The following DACH2 variants were observed in gnomAD, a reference collection of about 807,000 sequenced individuals.
DACH2 encodes the protein dachshund family transcription factor 2, also known as dachshund homolog 2.
DACH2 carries 17 observed loss-of-function variants against 35.8 expected under a neutral mutation model. The observed-to-expected ratio is 0.48, with a 90% CI of 0.33 to 0.71. The LOEUF (loss-of-function observed/expected upper bound fraction) is 0.71, where lower values mean the gene tolerates loss of function less well. Among genes scored for constraint, DACH2 ranks in the 30% least tolerant of loss-of-function variants. The pLI is 0.02. For synonymous variants in DACH2, 195 were observed against 177.3 expected, an observed-to-expected ratio of 1.10 and a Z score of -0.79; for missense variants, 469 against 472.7, an observed-to-expected ratio of 0.99 and a Z score of 0.07.
At chrX:86,227,328 A>T (rs2032847394) in intron 1 of DACH2, among the ~76,000 whole-genome samples, 1 of 111,875 alleles carries the variant, frequency 8.9e-6, no homozygotes, top group African/African-American at 3.2e-5. Flanking sequence ...TACTTGTATA[A>T]AGAGTGTTTG....
intron 1 of DACH2, among the ~76,000 whole-genome samples, chrX:86,262,024 T>C (rs1048668370): frequency 1.8e-5 from 2 of 110,518 alleles, no homozygotes; most frequent in African/African-American, 6.6e-5. Context: ...CTCATACCAG[T>C]AATCCCAGCA....
intron 2 of DACH2, among the ~76,000 whole-genome samples, chrX:86,424,844 T>C (rs2036865833): frequency 9.0e-6 from 1 of 111,101 alleles, no homozygotes. Context: ...TTACGAGGCA[T>C]GTTACTTCTA....
intron 6 of DACH2, among the ~76,000 whole-genome samples, chrX:86,727,094 C>T (rs765295998): frequency 8.9e-6 from 1 of 112,119 alleles, no homozygotes; most frequent in South Asian, 3.7e-4. Flanking sequence ...TTTATATCAT[C>T]TTTACCATTT....
chrX:86,680,124 T>C (rs967818657), intron 4 of DACH2, among the ~76,000 whole-genome samples: 2 of 111,910 alleles, frequency 1.8e-5, no homozygotes, highest in African/African-American at 6.5e-5. Context: ...ACATCTCAAA[T>C]TGTACTGTTG....
chrX:86,307,773 C>A (rs1041398464), intron 1 of DACH2, among the ~76,000 whole-genome samples: 8 of 111,046 alleles, frequency 7.2e-5, no homozygotes. Context: ...GTGTGCTACA[C>A]TTGAAAACAA....
intron 7 of DACH2, among the ~76,000 whole-genome samples, chrX:86,812,606 T>A (rs1412997927): frequency 9.0e-6 from 1 of 111,721 alleles, no homozygotes; most frequent in East Asian, 2.8e-4. Context: ...ATTGTATGTA[T>A]CTTAAGTTTT....
chrX:86,220,255 A>G (rs6524597), intron 1 of DACH2, among the ~76,000 whole-genome samples: 18,896 of 109,065 alleles, frequency 0.17, 4,253 homozygotes, highest in African/African-American at 0.61. Context: ...GATATCTGCC[A>G]TCTTACATTT....
rs751095971 is a variant in DACH2 at position 86,779,395 on chromosome X, C to T, written c.1241-33461C>T. On this transcript the variant is annotated intron_variant, in intron 7 of 11. Transcript: ENST00000373125. ...AGGGAATGAAAGGGAATGTAGTAGA[C>T]GATACAATCAGAGAATTAAAGGGGT... Among the ~76,000 whole-genome samples the T allele has an allele frequency of 1.7e-4, 19 of 111,193 alleles. No homozygotes were observed. In the East Asian group the frequency reaches 2.0e-3, roughly 12 times the overall value.
chrX:86,471,660 C>T (rs1271343120), intron 2 of DACH2, among the ~76,000 whole-genome samples: 1 of 110,873 alleles, frequency 9.0e-6, no homozygotes, highest in Non-Finnish European at 1.9e-5. Context: ...TGAAGAGAGA[C>T]AGTTGACAGG....
chrX:86,568,721 C>G (rs2039324721), intron 3 of DACH2, among the ~76,000 whole-genome samples: 1 of 111,129 alleles, frequency 9.0e-6, no homozygotes, highest in African/African-American at 3.3e-5. Flanking sequence ...TGTTAGATTC[C>G]TGATGCACGA....
chrX:86,698,408 A>G (rs956245108), intron 5 of DACH2, among the ~76,000 whole-genome samples: 1 of 109,011 alleles, frequency 9.2e-6, no homozygotes, highest in Non-Finnish European at 1.9e-5. Flanking sequence ...AAAAAAGAAA[A>G]TTGTATACTT....
intron 1 of DACH2, among the ~76,000 whole-genome samples, chrX:86,331,873 G>C (rs1038222244): frequency 1.8e-5 from 2 of 111,184 alleles, no homozygotes; most frequent in African/African-American, 3.3e-5. Flanking sequence ...CATGTACAGA[G>C]TGAGTATATC....
chrX:86,637,489 G>A (rs1013235934), intron 3 of DACH2, among the ~76,000 whole-genome samples: 6 of 110,926 alleles, frequency 5.4e-5, no homozygotes, highest in Non-Finnish European at 7.5e-5. Context: ...TCCCACCATT[G>A]GTAGACTGAT....
At chrX:86,671,713 G>T (rs1283732388) in intron 4 of DACH2, among the ~76,000 whole-genome samples, 1 of 111,862 alleles carries the variant, frequency 8.9e-6, no homozygotes, top group East Asian at 2.8e-4. Flanking sequence ...CCAGTCTCAG[G>T]TATTTCTTTA....
chrX:86,252,379 G>A (rs2033419999), intron 1 of DACH2, among the ~76,000 whole-genome samples: 1 of 110,968 alleles, frequency 9.0e-6, no homozygotes, highest in Non-Finnish European at 1.9e-5. Flanking sequence ...TGTTTTTGTT[G>A]CATTTGCTTT....
At chrX:86,415,516 T>C (rs2036689173) in intron 2 of DACH2, among the ~76,000 whole-genome samples, 1 of 112,236 alleles carries the variant, frequency 8.9e-6, no homozygotes, top group South Asian at 3.7e-4. Context: ...CAACAGGCCA[T>C]CACAATGAAT....
intron 2 of DACH2, among the ~76,000 whole-genome samples, chrX:86,513,245 A>C (rs2038420140): frequency 8.9e-6 from 1 of 112,050 alleles, no homozygotes; most frequent in Admixed American, 9.5e-5. Context: ...TTTGCTGCTA[A>C]AATTATTTAA....
intron 1 of DACH2, among the ~76,000 whole-genome samples, chrX:86,356,089 A>G (rs1167893195): frequency 9.0e-6 from 1 of 111,497 alleles, no homozygotes; most frequent in Non-Finnish European, 1.9e-5. Flanking sequence ...CAGTGTGTTC[A>G]TTATGAAATC....
chrX:86,813,033 A>T (rs750057621), intron 8 of DACH2, 29 bp downstream of exon 8: 5 of 1,161,782 alleles, frequency 4.3e-6, no homozygotes, highest in Non-Finnish European at 5.8e-6. Flanking sequence ...AACAAAATAA[A>T]TGTAATACAA....
Sources: gnomAD v4.1 joint callset for allele counts (sites outside exome capture counted in the v4.1 genomes callset) on GRCh38, gnomAD v4.1.1 for gene constraint, MANE v1.5 for transcripts, NCBI Gene and HGNC (gene_info 2026-07-23, HGNC 2026-07-21) for gene names.